Variants in RAB9B observed in about 807,000 individuals in gnomAD.
RAB9B encodes ras-related protein Rab-9B.
In RAB9B, 1 loss-of-function variant was observed where a neutral mutation model predicts 8.9. That is an observed-to-expected ratio of 0.11 (90% confidence interval 0.04 to 0.53). The LOEUF (loss-of-function observed/expected upper bound fraction) is 0.53. RAB9B is among the 20% of genes least tolerant of loss of function. RAB9B has a pLI of 0.93. For synonymous variants in RAB9B, 63 were observed against 57.0 expected (o/e 1.10, Z -0.47); for missense variants, 82 against 152.9 (o/e 0.54, Z 2.45).
the RAB9B span, among the ~76,000 whole-genome samples, chrX:103,800,094 A>G: frequency 2.7e-5 from 3 of 111,794 alleles, no homozygotes; most frequent in African/African-American, 9.8e-5. Flanking sequence ...TTGTGATGTC[A>G]GTGACCTGTA....
At chrX:103,810,132 G>C in the RAB9B span, among the ~76,000 whole-genome samples, 2 of 111,470 alleles carry the variant, frequency 1.8e-5, no homozygotes, top group Non-Finnish European at 3.8e-5. Flanking sequence ...ATAAGACTGA[G>C]TAAGGGGCCA....
chrX:103,813,950 A>T, the RAB9B span, among the ~76,000 whole-genome samples: 1 of 110,033 alleles, frequency 9.1e-6, no homozygotes, highest in Non-Finnish European at 1.9e-5. Flanking sequence ...GTTCTAAGTG[A>T]CCTACAAAGA....
At chrX:103,809,195 A>G in the RAB9B span, among the ~76,000 whole-genome samples, 5 of 112,286 alleles carry the variant, frequency 4.5e-5, no homozygotes, top group African/African-American at 1.6e-4. Flanking sequence ...TTATGTGAGG[A>G]AACAATAAGA....
the RAB9B span, among the ~76,000 whole-genome samples, chrX:103,811,913 T>G: frequency 1.8e-5 from 2 of 109,922 alleles, no homozygotes; most frequent in Non-Finnish European, 3.8e-5. Flanking sequence ...CTTCCTGGTT[T>G]ACAGATAGCT....
At chrX:103,820,951 A>AACACACACACAC (rs777837640), downstream of RAB9B, among the ~76,000 whole-genome samples, 2 of 53,325 alleles carry the variant, frequency 3.8e-5, no homozygotes, top group Non-Finnish European at 3.3e-5. Flanking sequence ...CCCTGTCTCA[A>AACACACACACAC]ACACACACAC....
rs1438952867 is a variant in RAB9B, at chrX:103,823,519, T to C, written c.*1660A>G. Reference sequence around the variant, plus strand: ...TGGAGAGTTCTAGGCTGTATTCCTATGAAAGCTCCCACCCCCTTCCTGGCC... The same window carrying C: ...TGGAGAGTTCTAGGCTGTATTCCTACGAAAGCTCCCACCCCCTTCCTGGCC... On this transcript the variant is annotated 3_prime_UTR_variant, in exon 3 of 3. Transcript: ENST00000243298. 8.9e-6 allele frequency: 1 copy of C among 111,783 alleles called. No individual in the cohort carries two copies. Among genetic ancestry groups the C allele is most frequent in the Admixed American group, 9.6e-5 (1 of 10,458 alleles). The allele number at this position is 111,783 out of a possible 1,213,427, so 9.2% of individuals were successfully genotyped here.
chrX:103,811,566 A>G, the RAB9B span, among the ~76,000 whole-genome samples: 1 of 111,928 alleles, frequency 8.9e-6, no homozygotes, highest in African/African-American at 3.2e-5. Context: ...AACATGCTTT[A>G]TTACTGTAAC....
the RAB9B span, among the ~76,000 whole-genome samples, chrX:103,811,516 G>A: frequency 1.8e-5 from 2 of 111,697 alleles, no homozygotes; most frequent in Non-Finnish European, 3.8e-5. Flanking sequence ...ATAGTGACAT[G>A]TGGAAATGCC....
chrX:103,816,618 A>G, the RAB9B span, among the ~76,000 whole-genome samples: 2 of 112,370 alleles, frequency 1.8e-5, no homozygotes, highest in African/African-American at 6.5e-5. Context: ...GCACAGAAAA[A>G]TAAACTATTA....
the RAB9B span, among the ~76,000 whole-genome samples, chrX:103,803,898 A>G: frequency 5.3e-5 from 6 of 112,731 alleles, no homozygotes; most frequent in Non-Finnish European, 7.5e-5. Flanking sequence ...TTTAGCTACC[A>G]GTTCCTTGTC....
At chrX:103,813,906 A>G in the RAB9B span, among the ~76,000 whole-genome samples, 1 of 110,545 alleles carries the variant, frequency 9.0e-6, no homozygotes, top group Non-Finnish European at 1.9e-5. Context: ...ATATATATGC[A>G]CCCAATACAG....
intron 1 of RAB9B, among the ~76,000 whole-genome samples, chrX:103,827,664 C>A (rs1263787016): frequency 9.0e-6 from 1 of 111,553 alleles, no homozygotes; most frequent in Non-Finnish European, 1.9e-5. Context: ...TTTTTCTTTT[C>A]TTTATTTATT....
downstream of RAB9B, among the ~76,000 whole-genome samples, chrX:103,818,562 TAA>T (rs768325727): frequency 1.8e-5 from 2 of 112,054 alleles, no homozygotes; most frequent in Admixed American, 1.9e-4. Flanking sequence ...TGTCTAGCAA[TAA>T]GTGTTTTATT....
chrX:103,816,118 G>A, the RAB9B span, among the ~76,000 whole-genome samples: 1 of 111,533 alleles, frequency 9.0e-6, no homozygotes, highest in Non-Finnish European at 1.9e-5. Context: ...AGCTCGCATA[G>A]CCAAGACAAT....
chrX:103,820,965 CACACACACACACACACAT>C (rs1301129479), downstream of RAB9B, among the ~76,000 whole-genome samples: 126 of 49,893 alleles, frequency 2.5e-3, 1 homozygote, highest in East Asian at 9.2e-3. Context: ...CACACACACA[CACACACACACACACACAT>C]ACACACACAC....
At chrX:103,777,092 T>A in the RAB9B span, 1 of 729,752 alleles carries the variant, frequency 1.4e-6, no homozygotes, top group South Asian at 2.2e-5. Flanking sequence ...TTCCATGGTT[T>A]AAATGAGTCG....
At chrX:103,829,384 C>T (rs185706706) in intron 1 of RAB9B, among the ~76,000 whole-genome samples, 75 of 112,119 alleles carry the variant, frequency 6.7e-4, no homozygotes, top group Admixed American at 9.4e-4. Flanking sequence ...CCTCCACTCT[C>T]CTCTGCTGTC....
At chrX:103,819,511 C>T (rs748542601), downstream of RAB9B, among the ~76,000 whole-genome samples, 2 of 111,340 alleles carry the variant, frequency 1.8e-5, no homozygotes, top group African/African-American at 6.5e-5. Flanking sequence ...CAGGTGACGA[C>T]GCCACATCTT....
the RAB9B span, chrX:103,786,632 G>A: frequency 1.7e-6 from 2 of 1,211,419 alleles, no homozygotes; most frequent in South Asian, 1.8e-5. Context: ...GTAACAGGGG[G>A]CCAGAAGGGG....
Sources: allele counts gnomAD v4.1 joint callset (sites outside exome capture counted in the v4.1 genomes callset), GRCh38; gene constraint gnomAD v4.1.1; transcripts MANE v1.5; gene names NCBI Gene and HGNC (gene_info 2026-07-23, HGNC 2026-07-21).